The following NAV2 variants were observed in gnomAD, a reference collection of about 807,000 sequenced individuals.
NAV2 encodes the protein helicase, APC down-regulated 1.
In NAV2, 54 loss-of-function variants were observed where a neutral mutation model predicts 223.2. That is an observed-to-expected ratio of 0.24 (90% CI 0.19 to 0.30). NAV2 has a LOEUF of 0.30. Ranked by LOEUF, NAV2 falls within the 10% of genes least tolerant of loss-of-function variation. The pLI, the probability that NAV2 is intolerant of heterozygous loss-of-function variation, is 1.00. For synonymous variants in NAV2, 1,279 were observed against 1,239.3 expected (o/e 1.03, Z -0.67); for missense variants, 2,806 against 3,147.5 (o/e 0.89, Z 2.60).
intron 1 of NAV2, among the ~76,000 whole-genome samples, chr11:19,559,274 A>G (rs2045014439): frequency 6.6e-6 from 1 of 152,230 alleles, no homozygotes; most frequent in South Asian, 2.1e-4. Context: ...ATGTCAGGTA[A>G]GGACAGAGCT....
At chr11:19,927,961 T>C (rs2044941464) in intron 6 of NAV2, among the ~76,000 whole-genome samples, 4 of 152,340 alleles carry the variant, frequency 2.6e-5, no homozygotes, top group Admixed American at 2.6e-4. Context: ...TTTCCAGAAC[T>C]GGCAAAATAT....
At chr11:19,488,690 G>C (rs754118900) in intron 1 of NAV2, among the ~76,000 whole-genome samples, 5 of 152,172 alleles carry the variant, frequency 3.3e-5, no homozygotes, top group Admixed American at 2.0e-4. Flanking sequence ...GCTAGTTATT[G>C]CTCAATAGTG....
At chr11:19,981,696 T>C (rs532865851) in intron 10 of NAV2, among the ~76,000 whole-genome samples, 2 of 152,280 alleles carry the variant, frequency 1.3e-5, no homozygotes, top group African/African-American at 4.8e-5. Flanking sequence ...GTCTAGAAAG[T>C]CCAGCCTCTG....
intron 1 of NAV2, among the ~76,000 whole-genome samples, chr11:19,370,083 C>T (rs1848421573): frequency 6.6e-6 from 1 of 152,208 alleles, no homozygotes. Flanking sequence ...TCATAACCCT[C>T]CATAATTTCA....
chr11:20,108,257 A>G (rs968027009), intron 36 of NAV2, among the ~76,000 whole-genome samples: 9 of 152,124 alleles, frequency 5.9e-5, no homozygotes, highest in African/African-American at 2.2e-4. Context: ...TGATGTGCTT[A>G]AGGTTATAAA....
In NAV2 at chr11:20,118,695, C is replaced by T. The variant is rs896138077; in HGVS notation, c.*437C>T. On this transcript the variant is annotated 3_prime_UTR_variant, in exon 38 of 38. Coordinates refer to ENST00000349880, the MANE Select transcript of NAV2 (RefSeq NM_145117.5). ...GCAAAGTCGGAAACACAGAGAAGCA[C>T]GGCTTCCCCTCAGCACAGACCCTCC... 2.4e-5 allele frequency: 4 copies of T among 167,888 alleles called. No individual in the cohort carries two copies. The South Asian group carries it at 4.7e-4, about 20-fold the overall frequency. 10.4% of individuals were successfully genotyped at this position (167,888 alleles called of 1,614,324 possible). A position where few individuals can be genotyped will look rare whatever the true frequency, so the allele number is the denominator to read the frequency against.
chr11:19,620,717 T>G (rs2046966372), intron 1 of NAV2, among the ~76,000 whole-genome samples: 1 of 152,218 alleles, frequency 6.6e-6, no homozygotes, highest in African/African-American at 2.4e-5. Context: ...CAGGGACAAT[T>G]TGACTTCCTC....
At chr11:19,577,187 A>T (rs994144828) in intron 1 of NAV2, among the ~76,000 whole-genome samples, 1 of 152,246 alleles carries the variant, frequency 6.6e-6, no homozygotes, top group Non-Finnish European at 1.5e-5. Flanking sequence ...TTATCACATG[A>T]GGAAACTGAG....
intron 10 of NAV2, among the ~76,000 whole-genome samples, chr11:19,966,230 T>A (rs1307438834): frequency 2.0e-5 from 3 of 152,164 alleles, no homozygotes; most frequent in Non-Finnish European, 4.4e-5. Context: ...GCATGTGGGA[T>A]CCAGAGATGT....
chr11:19,742,837 C>T (rs1011362282), intron 1 of NAV2, among the ~76,000 whole-genome samples: 9 of 152,238 alleles, frequency 5.9e-5, no homozygotes, highest in African/African-American at 1.7e-4. Context: ...CAGACAGGCC[C>T]ATGTTCCTGT....
At chr11:19,745,895 G>A (rs1398224270) in intron 1 of NAV2, among the ~76,000 whole-genome samples, 2 of 152,254 alleles carry the variant, frequency 1.3e-5, no homozygotes, top group East Asian at 1.9e-4. Flanking sequence ...ACTTGTCCAT[G>A]GTTCAAGGTC....
intron 31 of NAV2, among the ~76,000 whole-genome samples, chr11:20,100,727 A>G (rs2061582280): frequency 6.6e-6 from 1 of 152,146 alleles, no homozygotes; most frequent in Non-Finnish European, 1.5e-5. Flanking sequence ...AGGAGACAGA[A>G]GCACATGGCG....
intron 10 of NAV2, chr11:19,979,129 G>A (rs901491987): frequency 2.0e-5 from 3 of 152,206 alleles, no homozygotes; most frequent in African/African-American, 7.2e-5. Context: ...TACCCTTCAA[G>A]TCTGGCCAGC....
chr11:19,887,347 C>G (rs1049208366), intron 5 of NAV2, among the ~76,000 whole-genome samples: 2 of 151,772 alleles, frequency 1.3e-5, no homozygotes, highest in Non-Finnish European at 2.9e-5. Context: ...CCTGGTGAGC[C>G]CAGGGAGGCT....
At chr11:19,976,374 C>CTG (rs1447583345) in intron 10 of NAV2, among the ~76,000 whole-genome samples, 1 of 152,156 alleles carries the variant, frequency 6.6e-6, no homozygotes, top group Non-Finnish European at 1.5e-5. Flanking sequence ...GCTATCTCTT[C>CTG]TGTCTCTCTC....
chr11:19,735,207 T>C (rs180808574), intron 1 of NAV2, among the ~76,000 whole-genome samples: 1 of 152,276 alleles, frequency 6.6e-6, no homozygotes, highest in East Asian at 1.9e-4. Context: ...AGCTTCTCCA[T>C]GGGCTTTGGG....
Position 19,998,693 on chromosome 11 carries a change from T to G in NAV2, c.2768+14446T>G, listed in dbSNP as rs2052207355. The stretch of plus-strand genomic sequence containing the variant: ...CTTTGCACATACTGTCCCCTCTGCA[T>G]AGACTGTGCTTCCCCCCCTCTCTCC... On this transcript the variant is annotated intron_variant, in intron 11 of 37. Coordinates refer to ENST00000349880, the MANE Select transcript of NAV2 (RefSeq NM_145117.5). This position sits in a 1 kb window ranked among gnomAD's most constrained non-coding sequence, Gnocchi z 5.0. Among the ~76,000 whole-genome samples, 1 of 141,014 alleles carries G rather than the reference T, an allele frequency of 7.1e-6. No individual in the cohort carries two copies. The highest frequency in any genetic ancestry group is 1.6e-5 in the Non-Finnish European group (1 of 62,616). 92.5% of individuals were successfully genotyped at this position (141,014 alleles called of 152,430 possible). A position where few individuals can be genotyped will look rare whatever the true frequency, so the allele number is the denominator to read the frequency against.
At chr11:19,654,612 G>A (rs2048065559) in intron 1 of NAV2, among the ~76,000 whole-genome samples, 1 of 152,184 alleles carries the variant, frequency 6.6e-6, no homozygotes, top group Non-Finnish European at 1.5e-5. Flanking sequence ...TCTGAACTTT[G>A]ACAAACCTGA....
chr11:19,573,421 C>T (rs189106438), intron 1 of NAV2, among the ~76,000 whole-genome samples: 31 of 152,266 alleles, frequency 2.0e-4, no homozygotes, highest in East Asian at 1.9e-3. Flanking sequence ...TTTTCTCCAG[C>T]GCTCAGCACA....
Sources: allele counts gnomAD v4.1 joint callset (sites outside exome capture counted in the v4.1 genomes callset), GRCh38; gene constraint gnomAD v4.1.1; non-coding constraint Gnocchi (gnomAD v3.1); transcripts MANE v1.5; gene names NCBI Gene and HGNC (gene_info 2026-07-23, HGNC 2026-07-21).